ZFPM2: variants seen among roughly 807,000 people sequenced by gnomAD.
The protein encoded by ZFPM2 is zinc finger protein ZFPM2.
ZFPM2 carries 20 observed loss-of-function variants against 98.6 expected under a neutral mutation model. The observed-to-expected ratio is 0.20, with a 90% CI of 0.14 to 0.29. The LOEUF (loss-of-function observed/expected upper bound fraction) is 0.29, where lower values mean the gene tolerates loss of function less well. Ranked by LOEUF, ZFPM2 falls within the 10% of genes least tolerant of loss-of-function variation. The pLI is 1.00. For synonymous variants in ZFPM2, 518 were observed against 502.7 expected (o/e 1.03, Z -0.41); for missense variants, 1,310 against 1,388.6 (o/e 0.94, Z 0.90).
At chr8:105,422,218 A>G (rs1586360997) in intron 2 of ZFPM2, among the ~76,000 whole-genome samples, 2 of 151,950 alleles carry the variant, frequency 1.3e-5, no homozygotes, top group East Asian at 2.0e-4. Context: ...CAGGCGGATC[A>G]CCTGAGGTCA....
intron 3 of ZFPM2, among the ~76,000 whole-genome samples, chr8:105,500,142 G>GT (rs747848097): frequency 2.6e-5 from 4 of 152,020 alleles, no homozygotes; most frequent in Non-Finnish European, 5.9e-5. Flanking sequence ...AAAAACTTCT[G>GT]TTATACTGTG....
At chr8:105,553,769 G>C (rs556209047) in intron 3 of ZFPM2, among the ~76,000 whole-genome samples, 1 of 152,282 alleles carries the variant, frequency 6.6e-6, no homozygotes, top group Admixed American at 6.5e-5. Flanking sequence ...ATCTGTTAGA[G>C]TTACATATGG....
chr8:105,393,569 A>C (rs1182312028), intron 1 of ZFPM2, among the ~76,000 whole-genome samples: 4 of 152,090 alleles, frequency 2.6e-5, no homozygotes, highest in Non-Finnish European at 4.4e-5. Context: ...TGCAAAGACA[A>C]ATTTCAGCCA....
At chr8:105,693,569 A>G (rs1271833478) in intron 5 of ZFPM2, among the ~76,000 whole-genome samples, 16 of 152,210 alleles carry the variant, frequency 1.1e-4, no homozygotes, top group Non-Finnish European at 2.9e-5. Flanking sequence ...ATATCCAGAT[A>G]AAATATTTCA....
At chr8:105,673,059 A>C (rs1345967404) in intron 5 of ZFPM2, among the ~76,000 whole-genome samples, 2 of 152,100 alleles carry the variant, frequency 1.3e-5, no homozygotes, top group African/African-American at 4.8e-5. Context: ...ATTTTATTCT[A>C]GCTACGATTT....
Position 105,802,616 on chromosome 8 carries a change from C to T in ZFPM2, c.2534C>T (p.Thr845Met), listed in dbSNP as rs530517993. ...TTATCTCAGTCTGAGCGGACGACCA[C>T]GTCTCCCAAAAGGCTGCTGGACTAT... The part of the protein sequence containing the change: ...KCLSQSERTT[T>M]SPKRLLDYHE... Residue 845 changes from threonine (T) to methionine (M), a missense_variant, in exon 8 of 8, where the codon ACG becomes ATG. By Grantham distance (81) the Thr-to-Met change is moderately conservative. Coordinates refer to ENST00000407775, the MANE Select transcript of ZFPM2 (RefSeq NM_012082.4). 3.2e-5 allele frequency: 51 copies of T among 1,610,630 alleles called. No homozygotes were observed. Among genetic ancestry groups the T allele is most frequent in the South Asian group, 2.7e-4 (24 of 90,416 alleles).
chr8:105,625,320 A>T (rs1334041986), intron 4 of ZFPM2, among the ~76,000 whole-genome samples: 2 of 152,104 alleles, frequency 1.3e-5, no homozygotes, highest in African/African-American at 2.4e-5. Flanking sequence ...CAATAAACAC[A>T]AATAAGATAG....
intron 5 of ZFPM2, among the ~76,000 whole-genome samples, chr8:105,754,884 A>T (rs1482060742): frequency 6.6e-6 from 1 of 152,098 alleles, no homozygotes; most frequent in Non-Finnish European, 1.5e-5. Context: ...CAAGTCTGCC[A>T]TAGATATGAC....
At chr8:105,516,868 A>C (rs1813933659) in intron 3 of ZFPM2, among the ~76,000 whole-genome samples, 1 of 152,174 alleles carries the variant, frequency 6.6e-6, no homozygotes, top group African/African-American at 2.4e-5. Context: ...TACTATCCTC[A>C]CTTTCCAGGA....
At position 105,330,587 on chromosome 8, in the gene ZFPM2, TATATATAC is replaced by T. The variant is rs1315329892; in HGVS notation, c.40+11614_40+11621del. On this transcript the variant is annotated intron_variant, in intron 1 of 7. Coordinates refer to ENST00000407775, the MANE Select transcript of ZFPM2 (RefSeq NM_012082.4). Reference sequence around the variant, plus strand: ...ATATATACATATATATATACATATATATATATACATATATATATATATACACATATATA... The same window carrying T: ...ATATATACATATATATATACATATATATATATATATATATACACATATATA... Among the ~76,000 whole-genome samples the T allele has an allele frequency of 9.5e-3, 544 of 57,134 alleles. 5 individuals carry two copies. The highest frequency in any genetic ancestry group is 0.057 in the African/African-American group (512 of 8,964). 37.5% of individuals were successfully genotyped at this position (57,134 alleles called of 152,430 possible). A position where few individuals can be genotyped will look rare whatever the true frequency, so the allele number is the denominator to read the frequency against.
At chr8:105,428,247 C>T (rs13248544) in intron 2 of ZFPM2, among the ~76,000 whole-genome samples, 13,277 of 152,134 alleles carry the variant, frequency 0.087, 711 homozygotes, top group South Asian at 0.15. Context: ...ACTTACTGTA[C>T]ACGATGTGTC....
At chr8:105,708,666 A>C (rs1586211345) in intron 5 of ZFPM2, among the ~76,000 whole-genome samples, 1 of 151,786 alleles carries the variant, frequency 6.6e-6, no homozygotes, top group Non-Finnish European at 1.5e-5. Flanking sequence ...CTGGTTTTTA[A>C]CTCCTGGGCT....
chr8:105,714,947 A>C (rs1449467432), intron 5 of ZFPM2, among the ~76,000 whole-genome samples: 4 of 152,150 alleles, frequency 2.6e-5, no homozygotes, highest in Admixed American at 6.6e-5. Context: ...ATTTCAATAA[A>C]GAAGTTGCTT....
chr8:105,443,824 A>G (rs1303282883), intron 2 of ZFPM2, among the ~76,000 whole-genome samples: 1 of 152,198 alleles, frequency 6.6e-6, no homozygotes, highest in Non-Finnish European at 1.5e-5. Context: ...GCTGGGGAAA[A>G]ATAAAAGTGT....
In ZFPM2 at chr8:105,801,723, G is replaced by T. The variant is rs1586284129; in HGVS notation, c.1641G>T (p.Gly547=). 6.2e-7 allele frequency: 1 copy of T among 1,613,752 alleles called. No individual in the cohort carries two copies. The highest frequency in any genetic ancestry group is 8.5e-7 in the Non-Finnish European group (1 of 1,179,862). The part of the protein sequence containing the change: ...PVIYSPLMPK[G]ATCFECNITF... ...TTTACAGCCCTTTGATGCCCAAGGG[G>T]GCTACTTGTTTTGAGTGTAACATAA... The change falls in exon 8 of 8, where the codon GGG becomes GGT. Residue 547 remains glycine (G), a synonymous_variant. Transcript: ENST00000407775.
intron 5 of ZFPM2, among the ~76,000 whole-genome samples, chr8:105,788,110 C>T (rs374583355): frequency 5.3e-5 from 8 of 152,022 alleles, no homozygotes; most frequent in South Asian, 2.1e-4. Context: ...CTACATTATA[C>T]GGAATATTAT....
At position 105,792,948 on chromosome 8, in the gene ZFPM2, C is replaced by T. The variant is rs903536836; in HGVS notation, c.739+4024C>T. Among the ~76,000 whole-genome samples, 5 of 152,152 alleles carry T rather than the reference C, an allele frequency of 3.3e-5. No homozygotes were observed. In the South Asian group the frequency reaches 8.3e-4, roughly 25 times the overall value. On this transcript the variant is annotated intron_variant, in intron 6 of 7. Transcript: ENST00000407775. ...TTTTCCATTTGCTTGGTAGATCTTC[C>T]TCCATCCTTTTATTTTGAGCCTGTG...
chr8:105,398,669 A>C (rs570524918), intron 1 of ZFPM2, among the ~76,000 whole-genome samples: 1 of 152,126 alleles, frequency 6.6e-6, no homozygotes, highest in South Asian at 2.1e-4. Context: ...GTCAGAATTT[A>C]AGGCTGCCAC....
At chr8:105,487,929 TCTAGCTAGCTAG>T (rs67078135) in intron 3 of ZFPM2, among the ~76,000 whole-genome samples, 77 of 82,742 alleles carry the variant, frequency 9.3e-4, no homozygotes, top group African/African-American at 2.5e-3. Context: ...TATCTATCTA[TCTAGCTAGCTAG>T]CTAGCTAGCT....
Sources: gnomAD v4.1 joint callset for allele counts (sites outside exome capture counted in the v4.1 genomes callset) on GRCh38, gnomAD v4.1.1 for gene constraint, MANE v1.5 for transcripts, NCBI Gene and HGNC (gene_info 2026-07-23, HGNC 2026-07-21) for gene names.